Variants in HDAC9 observed in about 807,000 individuals in gnomAD.
The protein encoded by HDAC9 is histone deacetylase 9.
A neutral mutation model predicts 139.4 loss-of-function variants in HDAC9; 41 were observed. That is an observed-to-expected ratio of 0.29 (90% CI 0.23 to 0.38). The LOEUF is 0.38. Among genes scored for constraint, HDAC9 ranks in the 10% least tolerant of loss-of-function variants. HDAC9 has a pLI of 1.00. For missense variants in HDAC9, 1,147 were observed against 1,297.0 expected (o/e 0.88, Z 1.78); for synonymous variants, 517 against 476.2 (o/e 1.09, Z -1.12).
In HDAC9 at chr7:18,814,566, A is replaced by C. The variant is rs75170800; in HGVS notation, c.2323-14595A>C. On this transcript the variant is annotated intron_variant, in intron 17 of 25. Transcript: ENST00000686413. ...CCTCTGTAATTTTATATGGCAGCAA[A>C]TTTCATTCACATGTGCATGCTCACC... Among the ~76,000 whole-genome samples the C allele has an allele frequency of 8.7e-3, 1,330 of 152,164 alleles. 27 individuals are homozygous for C. The highest frequency in any genetic ancestry group is 0.031 in the African/African-American group (1,270 of 41,550).
At chr7:18,480,002 T>C (rs564702871) in intron 1 of HDAC9, among the ~76,000 whole-genome samples, 2 of 150,082 alleles carry the variant, frequency 1.3e-5, no homozygotes, top group East Asian at 1.9e-4. Flanking sequence ...TTTTTTTTTT[T>C]CTGGAAGATT....
At chr7:18,727,111 T>C (rs1468498437) in intron 12 of HDAC9, among the ~76,000 whole-genome samples, 1 of 152,210 alleles carries the variant, frequency 6.6e-6, no homozygotes, top group Non-Finnish European at 1.5e-5. Context: ...TTTAGAGACA[T>C]CCATAGAATT....
intron 2 of HDAC9, among the ~76,000 whole-genome samples, chr7:18,550,797 G>C (rs1296639464): frequency 6.6e-6 from 1 of 152,158 alleles, no homozygotes; most frequent in Non-Finnish European, 1.5e-5. Context: ...GAGGAGAGTA[G>C]GTGCAGGTGA....
chr7:18,280,542 C>T (rs1294129808), intron 2 of HDAC9, among the ~76,000 whole-genome samples: 5 of 151,040 alleles, frequency 3.3e-5, no homozygotes, highest in Non-Finnish European at 7.4e-5. Context: ...GAGCCAAGAT[C>T]GCTCCATTGC....
At chr7:18,314,848 T>A (rs576496100) in intron 1 of HDAC9, among the ~76,000 whole-genome samples, 1 of 152,362 alleles carries the variant, frequency 6.6e-6, no homozygotes, top group East Asian at 1.9e-4. Context: ...AAATGAAGTT[T>A]GAAATTCGTG....
At chr7:18,594,753 T>A (rs960995921) in intron 6 of HDAC9, among the ~76,000 whole-genome samples, 4 of 152,122 alleles carry the variant, frequency 2.6e-5, no homozygotes, top group Non-Finnish European at 5.9e-5. Flanking sequence ...TTTAACTAGA[T>A]ATACATATAA....
chr7:18,844,988 G>T lies in HDAC9; in HGVS notation c.2684+8991G>T, dbSNP rs1020607779. 9.9e-5 allele frequency among the ~76,000 whole-genome samples: 15 copies of T among 152,240 alleles called. No individual in the cohort carries two copies. The East Asian group carries it at 2.7e-3, about 27-fold the overall frequency. On this transcript the variant is annotated intron_variant, in intron 21 of 25. Transcript: ENST00000686413. ...TTCCGGTAAATATGACACCGTCGTA[G>T]TAGGTGAAACGGACAGGAACAGAGA... is the stretch of plus-strand genomic sequence containing the variant.
At position 18,565,466 on chromosome 7, in the gene HDAC9, A is replaced by G. The variant is rs115872465; in HGVS notation, c.23-19815A>G. Among the ~76,000 whole-genome samples, 219 of 152,338 alleles carry G rather than the reference A, an allele frequency of 1.4e-3. 1 individual carries two copies. Among genetic ancestry groups the G allele is most frequent in the African/African-American group, 5.1e-3 (214 of 41,584 alleles). The stretch of plus-strand genomic sequence containing the variant: ...AAGATTACTTAATCAGCATCATATC[A>G]GAGACAGCTTGCTGTGTTTACCATT... On this transcript the variant is annotated intron_variant, in intron 2 of 25. Coordinates refer to ENST00000686413, the MANE Select transcript of HDAC9 (RefSeq NM_178425.4).
intron 2 of HDAC9, among the ~76,000 whole-genome samples, chr7:18,556,994 A>T (rs1819006847): frequency 6.6e-6 from 1 of 151,998 alleles, no homozygotes; most frequent in African/African-American, 2.4e-5. Context: ...CTATTTATTG[A>T]GAGGGCTTCT....
chr7:18,224,486 T>C (rs1032431893), intron 2 of HDAC9, among the ~76,000 whole-genome samples: 1 of 152,204 alleles, frequency 6.6e-6, no homozygotes, highest in Non-Finnish European at 1.5e-5. Flanking sequence ...AAGTCACATT[T>C]AAATTCTTAG....
At chr7:18,578,274 C>G in intron 2 of HDAC9, 1 of 517,520 alleles carries the variant, frequency 1.9e-6, no homozygotes. Context: ...ACAATGACAT[C>G]GAAGGTGTTT....
At chr7:18,276,838 A>G (rs1796756338) in intron 2 of HDAC9, among the ~76,000 whole-genome samples, 1 of 152,160 alleles carries the variant, frequency 6.6e-6, no homozygotes, top group Admixed American at 6.5e-5. Context: ...TAATAGGACA[A>G]TATTTACTAA....
At position 18,835,932 on chromosome 7, in the gene HDAC9, A is replaced by G; in HGVS notation, c.2619A>G (p.Ile873Met). 1.3e-6 allele frequency: 2 copies of G among 1,563,068 alleles called. No individual in the cohort carries two copies. Among genetic ancestry groups the G allele is most frequent in the Non-Finnish European group, 1.7e-6 (2 of 1,152,152 alleles). The change falls in exon 21 of 26, where the codon ATA becomes ATG. Residue 873 changes from isoleucine (I) to methionine (M), a missense_variant. Ile to Met is a conservative substitution (Grantham distance 10, BLOSUM62 1). Transcript: ENST00000686413. ...VGTGLGEGYNINIAWTGGLDP... is the reference protein window; with the variant it reads ...VGTGLGEGYNMNIAWTGGLDP... Reference sequence around the variant, plus strand: ...CAGGCCTTGGAGAAGGGTACAATATAAATATTGCCTGGACAGGTGGCCTTG... The same window carrying G: ...CAGGCCTTGGAGAAGGGTACAATATGAATATTGCCTGGACAGGTGGCCTTG...
intron 23 of HDAC9, among the ~76,000 whole-genome samples, chr7:18,951,512 G>A (rs545210753): frequency 5.7e-4 from 86 of 151,880 alleles, no homozygotes; most frequent in Non-Finnish European, 1.1e-3. Flanking sequence ...GACAGAAATG[G>A]CATGACGGGT....
intron 1 of HDAC9, among the ~76,000 whole-genome samples, chr7:18,408,683 C>T (rs139230700): frequency 4.8e-4 from 73 of 152,282 alleles, no homozygotes; most frequent in African/African-American, 1.6e-3. Flanking sequence ...TAGTAACCAT[C>T]ACCATTGTTA....
chr7:18,507,941 T>C (rs1800308956), intron 2 of HDAC9, among the ~76,000 whole-genome samples: 1 of 152,242 alleles, frequency 6.6e-6, no homozygotes, highest in South Asian at 2.1e-4. Context: ...TGTTGCATCC[T>C]GACCACTCTT....
chr7:18,991,370 G>A (rs537001993), intron 25 of HDAC9, among the ~76,000 whole-genome samples: 4 of 152,324 alleles, frequency 2.6e-5, no homozygotes, highest in Non-Finnish European at 4.4e-5. Flanking sequence ...GCTGGGCACA[G>A]TGGCTCATGC....
chr7:18,139,490 A>G (rs1249324039), intron 1 of HDAC9, among the ~76,000 whole-genome samples: 2 of 152,118 alleles, frequency 1.3e-5, no homozygotes, highest in Non-Finnish European at 2.9e-5. Context: ...CTTTACTTAT[A>G]ATCTATACAC....
chr7:18,735,152 G>C (rs764518378), intron 13 of HDAC9, among the ~76,000 whole-genome samples: 1 of 152,118 alleles, frequency 6.6e-6, no homozygotes, highest in African/African-American at 2.4e-5. Flanking sequence ...TTGTCAGATG[G>C]GTAGATTGCA....
Sources: allele counts gnomAD v4.1 joint callset (sites outside exome capture counted in the v4.1 genomes callset), GRCh38; gene constraint gnomAD v4.1.1; transcripts MANE v1.5; gene names NCBI Gene and HGNC (gene_info 2026-07-23, HGNC 2026-07-21).